Variants in MROH2B observed in about 807,000 individuals in gnomAD.
MROH2B encodes maestro heat like repeat family member 2B, also known as maestro heat-like repeat-containing protein family member 2B.
A neutral mutation model predicts 208.6 loss-of-function variants in MROH2B; 177 were observed. The ratio of observed to expected loss-of-function variants is 0.85; its 90% CI spans 0.75 to 0.96. The LOEUF (loss-of-function observed/expected upper bound fraction) is 0.96. Among genes scored for constraint, MROH2B ranks in the 40% least tolerant of loss-of-function variants. The probability of loss-of-function intolerance (pLI) is 0.00; values close to 1 mark genes in which losing one functional copy is unlikely to be tolerated. For synonymous variants in MROH2B, 728 were observed against 659.0 expected (o/e 1.10, Z -1.60); for missense variants, 2,002 against 1,878.7 (o/e 1.07, Z -1.21).
chr5:40,998,431 A>C (rs569308290), intron 41 of MROH2B, among the ~76,000 whole-genome samples, 181 bp downstream of exon 41: 20 of 152,314 alleles, frequency 1.3e-4, no homozygotes, highest in African/African-American at 4.8e-4. Flanking sequence ...ATGCCTGCAA[A>C]GGGCTGGAGC....
At position 41,050,306 on chromosome 5, in the gene MROH2B, A is replaced by G. The variant is rs894179150; in HGVS notation, c.1344+671T>C. On this transcript the variant is annotated intron_variant, in intron 13 of 41. Coordinates refer to ENST00000399564, the MANE Select transcript of MROH2B (RefSeq NM_173489.5). ...GGTTGGACCCTAGATTATTTTTTTC[A>G]TCATTCACTTCTATATCAGAAGGTC... is the stretch of plus-strand genomic sequence containing the variant. Among the ~76,000 whole-genome samples, 6 of 152,150 alleles carry G rather than the reference A, an allele frequency of 3.9e-5. No homozygotes were observed. The East Asian group carries it at 1.2e-3, about 29-fold the overall frequency.
At chr5:41,005,689 T>C (rs10941529) in intron 34 of MROH2B, 44 bp from the exon 35 acceptor site, 913,116 of 1,445,868 alleles carry the variant, frequency 0.63, 289,857 homozygotes, top group East Asian at 0.72. Context: ...TACTAAACAA[T>C]GGAGGAAATC....
At chr5:41,008,542 A>C in intron 33 of MROH2B, 64 bp downstream of exon 33, 26 of 1,562,952 alleles carry the variant, frequency 1.7e-5, no homozygotes, top group Non-Finnish European at 2.2e-5. Flanking sequence ...TGACTTCTGC[A>C]GCACCACTCC....
intron 30 of MROH2B, among the ~76,000 whole-genome samples, chr5:41,011,678 T>C (rs1741778628): frequency 6.6e-6 from 1 of 151,976 alleles, no homozygotes. Flanking sequence ...TTTTCTTTTT[T>C]TTTTTTTGAG....
chr5:41,033,902 G>A (rs1561291832), intron 21 of MROH2B, 38 bp from the exon 22 acceptor site: 1 of 1,548,010 alleles, frequency 6.5e-7, no homozygotes, highest in Non-Finnish European at 8.7e-7. Context: ...TACTCAATGA[G>A]TGGCATTGAG....
In MROH2B at chr5:41,009,915, G is replaced by T; in HGVS notation, c.3293+7C>A. On this transcript the variant is annotated splice_region_variant and intron_variant, in intron 31 of 41. Transcript: ENST00000399564. ...TAGGAGAAGGAATCAGTTCAATAAG[G>T]ATCTACCTGTCAAAAGGCAGAGGCT... The T allele has an allele frequency of 6.2e-7, 1 of 1,612,772 alleles. No individual in the cohort carries two copies. Among genetic ancestry groups the T allele is most frequent in the Non-Finnish European group, 8.5e-7 (1 of 1,179,274 alleles).
At position 41,057,310 on chromosome 5, in the gene MROH2B, TG is replaced by T; in HGVS notation, c.806del (p.Pro269GlnfsTer4). On this transcript the variant is annotated frameshift_variant, in exon 8 of 42. Coordinates refer to ENST00000399564, the MANE Select transcript of MROH2B (RefSeq NM_173489.5). LOFTEE classifies it high-confidence loss of function. Reference sequence around the variant, plus strand: ...TAAAGATGGATCTTCTCAAGCTCCTTGGAAGGCCAATGTCATAAAGAACTGC... The same window carrying T: ...TAAAGATGGATCTTCTCAAGCTCCTTGAAGGCCAATGTCATAAAGAACTGC... ...TAAVLYDIGL[P>X]RSLRRSIFIN... 6.3e-7 allele frequency: 1 copy of T among 1,594,148 alleles called. No homozygotes were observed. The highest frequency in any genetic ancestry group is 8.6e-7 in the Non-Finnish European group (1 of 1,169,448).
rs765050929 is a variant in MROH2B at position 41,008,825 on chromosome 5, G to A, written c.3421-32C>T. ...GGAGAAAGGGCCTCTTGGTCAGGCA[G>A]TCTCATTTTCTCCAAGGCCATCTTC... On this transcript the variant is annotated intron_variant, in intron 32 of 41. Coordinates refer to ENST00000399564, the MANE Select transcript of MROH2B (RefSeq NM_173489.5). 8 of 1,584,018 alleles carry A rather than the reference G, an allele frequency of 5.1e-6. No individual in the cohort carries two copies. The South Asian group carries it at 9.1e-5, about 18-fold the overall frequency.
chr5:41,033,289 A>C, intron 22 of MROH2B, 129 bp from the exon 23 acceptor site: 1 of 1,304,354 alleles, frequency 7.7e-7, no homozygotes, highest in Non-Finnish European at 1.1e-6. Context: ...TGCCATCTCT[A>C]CTCCAGACTA....
At position 41,069,710 on chromosome 5, in the gene MROH2B, T is replaced by A. The variant is rs1438413316; in HGVS notation, c.71A>T (p.Lys24Met). Reference protein sequence around the residue: ...DINLTLGMLNKEDIVNKEDIY... With the variant: ...DINLTLGMLNMEDIVNKEDIY... ...CCCTACCTTGTTAACAATATCTTCCTTGTTCAGCATGCCAAGAGTGAGGTT... is the reference window on the plus strand; with the variant it reads ...CCCTACCTTGTTAACAATATCTTCCATGTTCAGCATGCCAAGAGTGAGGTT... Residue 24 changes from lysine (K) to methionine (M), a missense_variant, in exon 2 of 42, where the codon AAG (lysine) becomes ATG (methionine). Transcript: ENST00000399564. 6.2e-7 allele frequency: 1 copy of A among 1,606,858 alleles called. No individual in the cohort carries two copies. Among genetic ancestry groups the A allele is most frequent in the East Asian group, 2.2e-5 (1 of 44,728 alleles).
At chr5:41,054,742 C>G (rs777754122) in intron 11 of MROH2B, 25 bp downstream of exon 11, 48 of 1,537,650 alleles carry the variant, frequency 3.1e-5, no homozygotes, top group Non-Finnish European at 4.3e-5. Context: ...CTACCATCGA[C>G]AAGAGTTTCT....
At chr5:41,070,359 A>G (rs1310260762) in intron 1 of MROH2B, among the ~76,000 whole-genome samples, 2 of 152,172 alleles carry the variant, frequency 1.3e-5, no homozygotes, top group East Asian at 1.9e-4. Flanking sequence ...AATTGAGTCA[A>G]AGGAATTGAG....
rs765804893 is a variant in MROH2B, at chr5:41,000,011, A to G, written c.4482+209T>C. ...GAATTTTAGGAACCAAGGAGAATAT[A>G]TCCCAGTCAGGACTTGGGAATGGAG... On this transcript the variant is annotated intron_variant, in intron 39 of 41. Transcript: ENST00000399564. 4.4e-4 allele frequency: 311 copies of G among 705,452 alleles called. 1 individual carries two copies. Among genetic ancestry groups the G allele is most frequent in the Non-Finnish European group, 5.6e-4 (239 of 428,034 alleles). 43.7% of individuals were successfully genotyped at this position (705,452 alleles called of 1,614,324 possible).
intron 3 of MROH2B, among the ~76,000 whole-genome samples, chr5:41,066,346 A>G (rs545990471): frequency 6.6e-6 from 1 of 152,322 alleles, no homozygotes; most frequent in South Asian, 2.1e-4. Context: ...CAAACTCACA[A>G]TATAGGTTGG....
chr5:41,005,364 C>A (rs898525158), intron 35 of MROH2B, 167 bp downstream of exon 35: 76 of 582,700 alleles, frequency 1.3e-4, no homozygotes, highest in African/African-American at 1.1e-3. Context: ...TCTCTCACCC[C>A]CTGCTTAGGT....
chr5:41,009,368 G>A lies in MROH2B; in HGVS notation c.3332C>T (p.Pro1111Leu). 1 of 1,613,904 alleles carries A rather than the reference G, an allele frequency of 6.2e-7. No individual in the cohort carries two copies. The highest frequency in any genetic ancestry group is 8.5e-7 in the Non-Finnish European group (1 of 1,179,802). Residue 1111 changes from proline (P) to leucine (L), a missense_variant, in exon 32 of 42, where the codon CCA (proline) becomes CTA (leucine). Physicochemically the swap from Pro to Leu is moderately conservative, Grantham distance 98 (BLOSUM62 -3). Coordinates refer to ENST00000399564, the MANE Select transcript of MROH2B (RefSeq NM_173489.5). ...TTGCAAGAGTTTCCCACTGGAGGCT[G>A]GCTTTTCAGCCAGCGCCTTCCACAA... is the stretch of plus-strand genomic sequence containing the variant. ...KTLWKALAEKPASSGKLLQAL... is the reference protein window; with the variant it reads ...KTLWKALAEKLASSGKLLQAL...
At chr5:41,011,501 C>A (rs1741772230) in intron 30 of MROH2B, among the ~76,000 whole-genome samples, 3 of 152,184 alleles carry the variant, frequency 2.0e-5, no homozygotes, top group Admixed American at 6.5e-5. Context: ...TTTTCAAAAA[C>A]ACTTATTGAA....
rs545716321 is a variant in MROH2B at position 41,025,022 on chromosome 5, A to G, written c.2442-6004T>C. ...GACACAACATACCAGAATCTCTGGG[A>G]CACATTTAAAGCAATGTGTAGAGGG... On this transcript the variant is annotated intron_variant, in intron 24 of 41. Transcript: ENST00000399564. Among the ~76,000 whole-genome samples the G allele has an allele frequency of 5.1e-4, 77 of 152,346 alleles. 2 individuals carry two copies. The East Asian group carries it at 0.014, about 29-fold the overall frequency.
intron 18 of MROH2B, among the ~76,000 whole-genome samples, chr5:41,044,555 G>A (rs1743059275): frequency 6.6e-6 from 1 of 152,160 alleles, no homozygotes; most frequent in South Asian, 2.1e-4. Context: ...GGGTCTGGAA[G>A]CTGTTGAATA....
Sources: gnomAD v4.1 joint callset for allele counts (sites outside exome capture counted in the v4.1 genomes callset) on GRCh38, gnomAD v4.1.1 for gene constraint, MANE v1.5 for transcripts, NCBI Gene and HGNC (gene_info 2026-07-23, HGNC 2026-07-21) for gene names.